Variants in CCSER1 observed in about 807,000 individuals in gnomAD.
CCSER1 encodes serine-rich coiled-coil domain-containing protein 1.
Under a neutral mutation model 82.0 loss-of-function variants are expected in CCSER1, and 41 were observed. The observed-to-expected ratio is 0.50, with a 90% CI of 0.39 to 0.65. The LOEUF (loss-of-function observed/expected upper bound fraction) is 0.65, where lower values mean the gene tolerates loss of function less well. Among genes scored for constraint, CCSER1 ranks in the 30% least tolerant of loss-of-function variants. CCSER1 has a pLI of 0.00. For missense variants in CCSER1, 1,119 were observed against 1,064.2 expected (o/e 1.05, Z -0.72); for synonymous variants, 414 against 383.9 (o/e 1.08, Z -0.92).
At chr4:91,342,444 A>C (rs1055385109) in intron 10 of CCSER1, among the ~76,000 whole-genome samples, 1 of 152,178 alleles carries the variant, frequency 6.6e-6, no homozygotes, top group African/African-American at 2.4e-5. Flanking sequence ...AAAGTCACAA[A>C]AATATAAGGA....
At chr4:90,279,500 A>G (rs892016322) in intron 1 of CCSER1, among the ~76,000 whole-genome samples, 2 of 152,048 alleles carry the variant, frequency 1.3e-5, no homozygotes, top group African/African-American at 4.8e-5. Flanking sequence ...CCAAGATGAG[A>G]TAAAGAATTG....
intron 5 of CCSER1, among the ~76,000 whole-genome samples, chr4:90,528,107 T>C (rs1218835755): frequency 6.6e-6 from 1 of 152,110 alleles, no homozygotes; most frequent in Non-Finnish European, 1.5e-5. Context: ...TTATCCTAGG[T>C]GGTAGAACAG....
At chr4:90,666,504 A>T (rs779694756) in intron 6 of CCSER1, among the ~76,000 whole-genome samples, 52 of 152,200 alleles carry the variant, frequency 3.4e-4, no homozygotes, top group Non-Finnish European at 3.2e-4. Flanking sequence ...TCAATGACAT[A>T]TCTCTAGCAA....
intron 5 of CCSER1, among the ~76,000 whole-genome samples, chr4:90,530,724 T>C (rs1774396442): frequency 6.6e-6 from 1 of 152,174 alleles, no homozygotes; most frequent in African/African-American, 2.4e-5. Context: ...CCAGGACAGA[T>C]ACAGTGCTAT....
chr4:90,456,578 C>G (rs912809526), intron 4 of CCSER1, among the ~76,000 whole-genome samples: 2 of 152,270 alleles, frequency 1.3e-5, no homozygotes, highest in South Asian at 4.1e-4. Context: ...CACACGATGG[C>G]TAGACCTCCA....
At chr4:90,537,982 C>G (rs996610031) in intron 5 of CCSER1, among the ~76,000 whole-genome samples, 1 of 152,114 alleles carries the variant, frequency 6.6e-6, no homozygotes, top group African/African-American at 2.4e-5. Flanking sequence ...TACTGTATCT[C>G]TTTAAATCAT....
At chr4:90,879,196 T>G (rs1720826863) in intron 8 of CCSER1, among the ~76,000 whole-genome samples, 1 of 152,224 alleles carries the variant, frequency 6.6e-6, no homozygotes, top group African/African-American at 2.4e-5. Flanking sequence ...CAGCTTGGTT[T>G]ATTCTGCTGT....
chr4:90,739,683 T>C (rs12503263), intron 7 of CCSER1, among the ~76,000 whole-genome samples: 85,972 of 151,962 alleles, frequency 0.57, 24,460 homozygotes, highest in East Asian at 0.65. Context: ...AATCTGAATG[T>C]TCCCTCCATG....
intron 10 of CCSER1, among the ~76,000 whole-genome samples, chr4:91,129,339 C>T (rs1197064720): frequency 2.0e-5 from 3 of 151,988 alleles, no homozygotes; most frequent in Admixed American, 6.6e-5. Context: ...CTAGAATCCC[C>T]CCAACATGAG....
At chr4:90,344,715 T>C (rs181011314) in intron 3 of CCSER1, among the ~76,000 whole-genome samples, 63 of 152,220 alleles carry the variant, frequency 4.1e-4, no homozygotes, top group African/African-American at 1.4e-3. Flanking sequence ...TTGGGGAGCA[T>C]CTGTACTTAT....
At chr4:90,300,996 ATT>A (rs1039248560) in intron 1 of CCSER1, among the ~76,000 whole-genome samples, 1 of 150,542 alleles carries the variant, frequency 6.6e-6, no homozygotes, top group Admixed American at 6.7e-5. Context: ...TAGTTAATTA[ATT>A]TTTTTTTCTT....
At chr4:90,521,774 G>A (rs1773169202) in intron 5 of CCSER1, among the ~76,000 whole-genome samples, 1 of 151,940 alleles carries the variant, frequency 6.6e-6, no homozygotes, top group Non-Finnish European at 1.5e-5. Flanking sequence ...CTGCAAGTAG[G>A]ATTTTTCTTT....
At chr4:91,516,199 G>T (rs982531211) in intron 10 of CCSER1, among the ~76,000 whole-genome samples, 1 of 152,052 alleles carries the variant, frequency 6.6e-6, no homozygotes, top group East Asian at 1.9e-4. Flanking sequence ...CTGTGCAGAA[G>T]CTCTTAAGTT....
chr4:90,261,402 G>A (rs935101011), intron 1 of CCSER1, among the ~76,000 whole-genome samples: 9 of 152,144 alleles, frequency 5.9e-5, no homozygotes, highest in Non-Finnish European at 1.3e-4. Context: ...CAATTGTTCT[G>A]TTTAAGGAGG....
At chr4:90,648,323 A>AAGAAAGAAAGAG (rs1728076612) in intron 6 of CCSER1, among the ~76,000 whole-genome samples, 1 of 151,670 alleles carries the variant, frequency 6.6e-6, no homozygotes, top group African/African-American at 2.4e-5. Flanking sequence ...GAAAGAAAGA[A>AAGAAAGAAAGAG]AGAAAGAAAG....
intron 10 of CCSER1, among the ~76,000 whole-genome samples, chr4:91,169,122 T>C (rs1732482414): frequency 6.6e-6 from 1 of 150,432 alleles, no homozygotes; most frequent in South Asian, 2.1e-4. Context: ...GTTTATCTGC[T>C]GACCTTGTCT....
intron 10 of CCSER1, among the ~76,000 whole-genome samples, chr4:91,255,985 G>C (rs1321242853): frequency 2.0e-5 from 3 of 152,142 alleles, no homozygotes; most frequent in Admixed American, 1.3e-4. Flanking sequence ...AGGGAACAAG[G>C]GAGATAACCA....
chr4:90,190,478 A>G (rs1162718416), intron 1 of CCSER1, among the ~76,000 whole-genome samples: 2 of 152,208 alleles, frequency 1.3e-5, no homozygotes, highest in Non-Finnish European at 2.9e-5. Flanking sequence ...TTTTTTACTT[A>G]CACTAAAGGA....
chr4:90,686,100 G>T (rs970801978), intron 6 of CCSER1, among the ~76,000 whole-genome samples: 2 of 152,022 alleles, frequency 1.3e-5, no homozygotes, highest in Non-Finnish European at 2.9e-5. Flanking sequence ...AATTTATTTG[G>T]CTTCTAGCTC....
Sources: allele counts gnomAD v4.1 joint callset (sites outside exome capture counted in the v4.1 genomes callset), GRCh38; gene constraint gnomAD v4.1.1; transcripts MANE v1.5; gene names NCBI Gene and HGNC (gene_info 2026-07-23, HGNC 2026-07-21).